CEP72: variants seen among roughly 807,000 people sequenced by gnomAD.
CEP72 encodes centrosomal protein 72.
A neutral mutation model predicts 65.7 loss-of-function variants in CEP72; 78 were observed. The observed-to-expected ratio is 1.19, with a 90% CI of 0.99 to 1.43. The LOEUF (loss-of-function observed/expected upper bound fraction) is 1.43, where lower values mean the gene tolerates loss of function less well. Among genes scored for constraint, CEP72 ranks in the 40% most tolerant of loss-of-function variants. The pLI is 0.00. For missense variants in CEP72, 914 were observed against 832.9 expected (o/e 1.10, Z -1.20); for synonymous variants, 358 against 351.7 (o/e 1.02, Z -0.20).
In CEP72 at chr5:643,295, T is replaced by C. The variant is rs540127677; in HGVS notation, c.1540-1004T>C. ...GAGGCAAAACCATGAGACGTGGCAC[T>C]GCCAGGAGCTTTCTGGACGACCCAA... On this transcript the variant is annotated intron_variant, in intron 9 of 11. Coordinates refer to ENST00000264935, the MANE Select transcript of CEP72 (RefSeq NM_018140.4). 1.3e-5 allele frequency: 13 copies of C among 985,440 alleles called. No individual in the cohort carries two copies. The East Asian group carries it at 1.3e-3, about 95-fold the overall frequency. The allele number at this position is 985,440 out of a possible 1,614,324, so 61.0% of individuals were successfully genotyped here.
At position 633,424 on chromosome 5, in the gene CEP72, G is replaced by T. The variant is rs138825482; in HGVS notation, c.513-345G>T. 5.4e-3 allele frequency among the ~76,000 whole-genome samples: 765 copies of T among 141,556 alleles called. 2 individuals are homozygous for T. Among genetic ancestry groups the T allele is most frequent in the Non-Finnish European group, 8.1e-3 (515 of 63,588 alleles). The allele number at this position is 141,556 out of a possible 152,430, so 92.9% of individuals were successfully genotyped here. A position where few individuals can be genotyped will look rare whatever the true frequency, so the allele number is the denominator to read the frequency against. On this transcript the variant is annotated intron_variant, in intron 4 of 11. Coordinates refer to ENST00000264935, the MANE Select transcript of CEP72 (RefSeq NM_018140.4). ...CAGTCCTGGTGGGGTGCTGTCCAGT[G>T]CCGGGATTTAGACCAGTCCTGGTGG... is the stretch of plus-strand genomic sequence containing the variant.
chr5:659,108 T>C (rs1246375293), downstream of CEP72, among the ~76,000 whole-genome samples: 1 of 152,260 alleles, frequency 6.6e-6, no homozygotes, highest in African/African-American at 2.4e-5. Flanking sequence ...GTCCCTCTGC[T>C]CGTTTGGAGA....
intron 6 of CEP72, among the ~76,000 whole-genome samples, chr5:637,013 T>G (rs1469978448): frequency 6.6e-6 from 1 of 152,098 alleles, no homozygotes; most frequent in Non-Finnish European, 1.5e-5. Flanking sequence ...TTCTCCTGCC[T>G]TCATTGTCCT....
exon 3 of CEP72, chr5:665,279 G>A (rs1042534726): frequency 1.2e-5 from 20 of 1,613,196 alleles, no homozygotes; most frequent in Non-Finnish European, 1.6e-5. Context: ...TCGACACTGT[G>A]GGCGACGAGA....
chr5:660,228 T>TAA (rs1554019940), downstream of CEP72: 5 of 148,124 alleles, frequency 3.4e-5, no homozygotes, highest in East Asian at 1.0e-3. Context: ...TATATATATA[T>TAA]AAATTTGTTT....
At chr5:617,592 G>A (rs909234697) in intron 1 of CEP72, among the ~76,000 whole-genome samples, 1 of 152,226 alleles carries the variant, frequency 6.6e-6, no homozygotes, top group African/African-American at 2.4e-5. Flanking sequence ...GGCAGGGTGT[G>A]GGGGACAATG....
downstream of CEP72, among the ~76,000 whole-genome samples, chr5:657,398 TC>T (rs770271710): frequency 8.5e-5 from 13 of 152,226 alleles, no homozygotes; most frequent in South Asian, 4.1e-4. Flanking sequence ...GTAATGCTGT[TC>T]TTGAAAGGAT....
intron 3 of CEP72, 111 bp downstream of exon 3, chr5:620,372 A>G: frequency 1.0e-6 from 1 of 952,510 alleles, no homozygotes; most frequent in Non-Finnish European, 1.6e-6. Context: ...TTCCTTCTGG[A>G]ACGGGGAGTT....
intron 11 of CEP72, among the ~76,000 whole-genome samples, chr5:648,527 CTGTG>C (rs1198313024): frequency 2.1e-4 from 28 of 136,234 alleles, no homozygotes; most frequent in African/African-American, 8.0e-4. Flanking sequence ...TGAGGTGTGA[CTGTG>C]AGGTGTGACT....
At chr5:639,284 C>G (rs1737841746) in intron 8 of CEP72, 60 bp downstream of exon 8, 1 of 1,507,068 alleles carries the variant, frequency 6.6e-7, no homozygotes, top group Non-Finnish European at 8.9e-7. Context: ...GTTCCGGGGT[C>G]CTCTGCGTGT....
At chr5:629,032 G>A (rs532756699) in intron 4 of CEP72, among the ~76,000 whole-genome samples, 1 of 152,258 alleles carries the variant, frequency 6.6e-6, no homozygotes, top group Non-Finnish European at 1.5e-5. Flanking sequence ...GCAGGCCCCG[G>A]GGAGTGGGAC....
At position 634,155 on chromosome 5, in the gene CEP72, C is replaced by T. The variant is rs369903084; in HGVS notation, c.691+208C>T. ...GAAAGTTAACATATTTGAGTATAGT[C>T]ATACTGCATGATGGTTTAAATTGTA... On this transcript the variant is annotated intron_variant, in intron 5 of 11. Coordinates refer to ENST00000264935, the MANE Select transcript of CEP72 (RefSeq NM_018140.4). 1.2e-3 allele frequency among the ~76,000 whole-genome samples: 185 copies of T among 152,342 alleles called. 5 individuals are homozygous for T. The South Asian group carries it at 0.037, about 31-fold the overall frequency.
downstream of CEP72, among the ~76,000 whole-genome samples, chr5:654,703 A>T (rs1739324422): frequency 6.6e-6 from 1 of 152,244 alleles, no homozygotes; most frequent in Non-Finnish European, 1.5e-5. Context: ...ATATTAATCC[A>T]CTTTAAGCTT....
intron 11 of CEP72, among the ~76,000 whole-genome samples, chr5:649,385 ACTGTGAGGTGTGC>A (rs1561062974): frequency 2.2e-4 from 18 of 82,072 alleles, no homozygotes; most frequent in African/African-American, 8.9e-4. Context: ...GTGAGGTGTG[ACTGTGAGGTGTGC>A]CTGTGAGGCG....
intron 8 of CEP72, 132 bp from the exon 9 acceptor site, chr5:640,276 C>A (rs1205610701): frequency 1.6e-6 from 2 of 1,243,836 alleles, no homozygotes; most frequent in African/African-American, 1.5e-5. Context: ...GCGCCAACAC[C>A]CCTTTCCCCT....
chr5:632,214 A>G (rs1281950357), intron 4 of CEP72, among the ~76,000 whole-genome samples: 7 of 67,008 alleles, frequency 1.0e-4, no homozygotes, highest in Non-Finnish European at 1.9e-4. Context: ...GGTTCTGTCC[A>G]GTGTCGGGAT....
chr5:621,208 A>G (rs1426908374), intron 3 of CEP72, among the ~76,000 whole-genome samples: 3 of 152,178 alleles, frequency 2.0e-5, no homozygotes, highest in Non-Finnish European at 2.9e-5. Context: ...CCTACCATGC[A>G]CCGCTGTTCG....
At chr5:660,104 G>C (rs1157497432), downstream of CEP72, 2 of 152,268 alleles carry the variant, frequency 1.3e-5, no homozygotes, top group African/African-American at 4.8e-5. Flanking sequence ...GTGGCTTTCA[G>C]AGTCAGAACA....
At chr5:650,110 T>C (rs867253860) in intron 11 of CEP72, among the ~76,000 whole-genome samples, 10 of 40,992 alleles carry the variant, frequency 2.4e-4, no homozygotes, top group Admixed American at 3.3e-4. Context: ...GACTGTGAGG[T>C]GTGACTGTGA....
Sources: gnomAD v4.1 joint callset for allele counts (sites outside exome capture counted in the v4.1 genomes callset) on GRCh38, gnomAD v4.1.1 for gene constraint, MANE v1.5 for transcripts, NCBI Gene and HGNC (gene_info 2026-07-23, HGNC 2026-07-21) for gene names.